DOCK1: variants seen among roughly 807,000 people sequenced by gnomAD.
DOCK1 encodes dedicator of cytokinesis 1, also known as dedicator of cytokinesis protein 1.
DOCK1 carries 138 observed loss-of-function variants against 262.7 expected under a neutral mutation model. The ratio of observed to expected loss-of-function variants is 0.53; its 90% CI spans 0.46 to 0.61. DOCK1 has a LOEUF of 0.61. Among genes scored for constraint, DOCK1 ranks in the 20% least tolerant of loss-of-function variants. The pLI is 0.00. For missense variants in DOCK1, 1,908 were observed against 2,370.7 expected, an observed-to-expected ratio of 0.80 and a Z score of 4.05; for synonymous variants, 866 against 867.4, an observed-to-expected ratio of 1.00 and a Z score of 0.03.
At position 127,175,744 on chromosome 10, in the gene DOCK1, C is replaced by T. The variant is rs745704190; in HGVS notation, c.2847+47980C>T. ...CCGAGCAGCTGGTAATCGGGCTCTT[C>T]GGATGGAGGCCGAGTGGAGTTTTGG... On this transcript the variant is annotated intron_variant, in intron 27 of 51. Transcript: ENST00000623213. This position sits in a 1 kb window ranked among gnomAD's most constrained non-coding sequence, Gnocchi z 6.3. The T allele has an allele frequency of 1.1e-5, 18 of 1,613,948 alleles. No homozygotes were observed. The highest frequency in any genetic ancestry group is 1.4e-5 in the Non-Finnish European group (16 of 1,180,034).
intron 29 of DOCK1, among the ~76,000 whole-genome samples, chr10:127,299,165 C>A (rs928778045): frequency 2.6e-5 from 4 of 152,194 alleles, no homozygotes; most frequent in African/African-American, 7.2e-5. Flanking sequence ...ATAGCATGAT[C>A]TCAGCTCGCT....
At chr10:126,934,148 T>C (rs2134200317) in intron 1 of DOCK1, among the ~76,000 whole-genome samples, 1 of 152,318 alleles carries the variant, frequency 6.6e-6, no homozygotes, top group East Asian at 1.9e-4. Flanking sequence ...ATTTTTTTTT[T>C]TGAGACTAAG....
At chr10:127,379,708 T>C (rs963904898) in intron 35 of DOCK1, among the ~76,000 whole-genome samples, 11 of 152,262 alleles carry the variant, frequency 7.2e-5, no homozygotes, top group Non-Finnish European at 1.5e-4. Flanking sequence ...ATTTGCTTAT[T>C]CCCAAATTTG....
intron 10 of DOCK1, among the ~76,000 whole-genome samples, chr10:127,006,493 G>A (rs1019336713): frequency 1.3e-5 from 2 of 152,214 alleles, no homozygotes; most frequent in Non-Finnish European, 2.9e-5. Context: ...TTTCCCCCAA[G>A]TCCTTTATTT....
At chr10:126,916,653 C>G (rs1484215123) in intron 1 of DOCK1, among the ~76,000 whole-genome samples, 1 of 152,034 alleles carries the variant, frequency 6.6e-6, no homozygotes, top group Non-Finnish European at 1.5e-5. Flanking sequence ...TCCCTCATTC[C>G]TTCTGTCCTT....
intron 12 of DOCK1, among the ~76,000 whole-genome samples, chr10:127,017,948 C>T (rs1482041247): frequency 6.6e-6 from 1 of 152,184 alleles, no homozygotes; most frequent in African/African-American, 2.4e-5. Context: ...CTTTGTCAGC[C>T]TTGCAGGGAG....
chr10:126,953,038 GGTA>G (rs2036444645), intron 1 of DOCK1, among the ~76,000 whole-genome samples: 2 of 151,166 alleles, frequency 1.3e-5, no homozygotes, highest in Non-Finnish European at 3.0e-5. Context: ...TGCTGGTGGT[GGTA>G]GTATTTTTGG....
In DOCK1 at chr10:127,452,422, A is replaced by T. The variant is rs2071023014; in HGVS notation, c.*995A>T. ...TATAACCTAATATTTGTATTCTCTC[A>T]TCTATATTTTTTTATTCACTATAAT... On this transcript the variant is annotated 3_prime_UTR_variant, in exon 52 of 52. Coordinates refer to ENST00000623213, the MANE Select transcript of DOCK1 (RefSeq NM_001290223.2). The T allele has an allele frequency of 6.6e-6, 1 of 152,446 alleles. No individual in the cohort carries two copies. The highest frequency in any genetic ancestry group is 1.5e-5 in the Non-Finnish European group (1 of 67,988). The allele number at this position is 152,446 out of a possible 1,614,324, so 9.4% of individuals were successfully genotyped here.
intron 29 of DOCK1, among the ~76,000 whole-genome samples, chr10:127,313,397 A>G (rs1474499923): frequency 6.6e-6 from 1 of 152,226 alleles, no homozygotes; most frequent in Non-Finnish European, 1.5e-5. Context: ...ACTGCTTGGT[A>G]CCTTCCACTA....
intron 29 of DOCK1, among the ~76,000 whole-genome samples, chr10:127,292,288 GC>G (rs1365518851): frequency 6.6e-6 from 1 of 152,146 alleles, no homozygotes; most frequent in African/African-American, 2.4e-5. Flanking sequence ...CTGTGCCAAT[GC>G]CAGGGAAGGA....
chr10:127,367,519 G>A (rs72841514), intron 33 of DOCK1, among the ~76,000 whole-genome samples: 7,454 of 152,180 alleles, frequency 0.049, 292 homozygotes, highest in Non-Finnish European at 0.062. Context: ...GGGAGGTGGC[G>A]ATGAAGCTCC....
chr10:127,028,027 G>T (rs9418711), intron 16 of DOCK1, among the ~76,000 whole-genome samples: 38,247 of 145,484 alleles, frequency 0.26, 5,157 homozygotes, highest in East Asian at 0.39. Flanking sequence ...GTTTCAAGCA[G>T]CATGGAGTGC....
chr10:127,037,848 CTT>C (rs56038046), intron 19 of DOCK1, 32 bp downstream of exon 19: 184,409 of 1,010,708 alleles, frequency 0.18, 294 homozygotes, highest in Middle Eastern at 0.19. Flanking sequence ...CTTTTTGGGT[CTT>C]TTTTTTTTTT....
In DOCK1 at chr10:127,175,924, C is replaced by T. The variant is rs1325155426; in HGVS notation, c.2847+48160C>T. 4 of 1,614,220 alleles carry T rather than the reference C, an allele frequency of 2.5e-6. No individual in the cohort carries two copies. The highest frequency in any genetic ancestry group is 3.4e-6 in the Non-Finnish European group (4 of 1,180,050). ...CGCCCCGCGCCACATGGCCGGGCCT[C>T]CTCCATGGGTCCAGCCTCGTTCTTC... On this transcript the variant is annotated intron_variant, in intron 27 of 51. Coordinates refer to ENST00000623213, the MANE Select transcript of DOCK1 (RefSeq NM_001290223.2). The surrounding 1 kb of genome is among the most constrained non-coding windows in gnomAD (Gnocchi z 6.3).
At chr10:126,910,676 A>G (rs1021037006) in intron 1 of DOCK1, among the ~76,000 whole-genome samples, 2 of 152,190 alleles carry the variant, frequency 1.3e-5, no homozygotes. Context: ...GGATATTGAC[A>G]TCGATAGTCA....
intron 23 of DOCK1, among the ~76,000 whole-genome samples, chr10:127,090,068 C>T (rs1055751552): frequency 1.3e-5 from 2 of 152,080 alleles, no homozygotes; most frequent in African/African-American, 4.8e-5. Flanking sequence ...GAGGTGTGGG[C>T]GGCAGTTCTG....
chr10:127,152,949 C>T (rs1052715238), intron 27 of DOCK1, among the ~76,000 whole-genome samples: 5 of 152,158 alleles, frequency 3.3e-5, no homozygotes, highest in African/African-American at 1.2e-4. Flanking sequence ...TGGGAGAGAA[C>T]CCTGATGGGT....
At chr10:127,432,752 G>A (rs548893734) in intron 47 of DOCK1, among the ~76,000 whole-genome samples, 207 of 152,238 alleles carry the variant, frequency 1.4e-3, no homozygotes, top group Middle Eastern at 3.4e-3. Context: ...CTTCAGCAGC[G>A]GTTTCACCTA....
intron 7 of DOCK1, 75 bp downstream of exon 7, chr10:126,996,958 A>C: frequency 6.9e-7 from 1 of 1,445,442 alleles, no homozygotes; most frequent in Non-Finnish European, 9.1e-7. Flanking sequence ...GTATCAGTCA[A>C]GCCCAAAATT....
Sources: gnomAD v4.1 joint callset for allele counts (sites outside exome capture counted in the v4.1 genomes callset) on GRCh38, gnomAD v4.1.1 for gene constraint, Gnocchi (gnomAD v3.1) non-coding constraint, MANE v1.5 for transcripts, NCBI Gene and HGNC (gene_info 2026-07-23, HGNC 2026-07-21) for gene names.